TXNDC12: variants seen among roughly 807,000 people sequenced by gnomAD.
TXNDC12 encodes the protein thioredoxin domain-containing protein 12.
TXNDC12 carries 22 observed loss-of-function variants against 24.2 expected under a neutral mutation model. The ratio of observed to expected loss-of-function variants is 0.91; its 90% CI spans 0.65 to 1.30. TXNDC12 has a LOEUF of 1.30. Ranked by LOEUF, TXNDC12 falls within the 50% of genes most tolerant of loss-of-function variation. TXNDC12 has a pLI of 0.00. For synonymous variants in TXNDC12, 58 were observed against 73.4 expected (o/e 0.79, Z 1.07); for missense variants, 184 against 205.8 (o/e 0.89, Z 0.65).
chr1:52,044,819 A>G (rs1686059018), intron 1 of TXNDC12, among the ~76,000 whole-genome samples: 1 of 152,084 alleles, frequency 6.6e-6, no homozygotes, highest in Non-Finnish European at 1.5e-5. Context: ...ACTACAATAC[A>G]AAAAAGTTAG....
intron 2 of TXNDC12, chr1:52,031,955 T>C (rs1197609457): frequency 5.3e-6 from 1 of 188,536 alleles, no homozygotes; most frequent in East Asian, 1.9e-4. Flanking sequence ...ACGGAAATTG[T>C]CATAATATAA....
intron 4 of TXNDC12, among the ~76,000 whole-genome samples, chr1:52,025,421 T>C (rs547414800): frequency 6.6e-6 from 1 of 152,318 alleles, no homozygotes; most frequent in South Asian, 2.1e-4. Context: ...GGTTTCACCA[T>C]GTTAGCCAGG....
intron 1 of TXNDC12, 108 bp downstream of exon 1, chr1:52,054,892 G>C (rs976354350): frequency 6.5e-6 from 5 of 774,430 alleles, no homozygotes; most frequent in Non-Finnish European, 1.1e-5. Flanking sequence ...GAAATCTGGA[G>C]TGGCCTAAGA....
At chr1:52,041,467 G>A (rs1685988780) in intron 2 of TXNDC12, 70 bp downstream of exon 2, 1 of 1,123,090 alleles carries the variant, frequency 8.9e-7, no homozygotes, top group South Asian at 1.4e-5. Context: ...CCCTTCACCT[G>A]AAATTAACGT....
At position 52,032,898 on chromosome 1, in the gene TXNDC12, C is replaced by T. The variant is rs145892168; in HGVS notation, c.159-4268G>A. 1,213 of 1,612,692 alleles carry T rather than the reference C, an allele frequency of 7.5e-4. 10 individuals are homozygous for T. The African/African-American group carries it at 0.014, about 19-fold the overall frequency. The stretch of plus-strand genomic sequence containing the variant: ...AGTCCCCGGGGACAGCGCTCTTCTG[C>T]GCTTCCATCAATCCGGCCAGTACTT... On this transcript the variant is annotated intron_variant, in intron 2 of 6. Coordinates refer to ENST00000371626, the MANE Select transcript of TXNDC12 (RefSeq NM_015913.4).
intron 1 of TXNDC12, chr1:52,044,337 A>T (rs535876124): frequency 7.2e-5 from 11 of 152,386 alleles, no homozygotes; most frequent in African/African-American, 2.6e-4. Context: ...AAACTCCCAC[A>T]TTAACACAAC....
Position 52,028,716 on chromosome 1 carries a change from G to T in TXNDC12, c.159-86C>A, listed in dbSNP as rs934161579. On this transcript the variant is annotated intron_variant, in intron 2 of 6. Transcript: ENST00000371626. ...AAGATTAATATGTGAAGACATTTCTGTAGTATTATTTCAATTGGGAAAATC... is the reference window on the plus strand; with the variant it reads ...AAGATTAATATGTGAAGACATTTCTTTAGTATTATTTCAATTGGGAAAATC... The T allele has an allele frequency of 4.9e-6, 5 of 1,016,686 alleles. No individual in the cohort carries two copies. In the African/African-American group the frequency reaches 6.6e-5, roughly 13 times the overall value. The allele number at this position is 1,016,686 out of a possible 1,614,324, so 63.0% of individuals were successfully genotyped here.
intron 1 of TXNDC12, among the ~76,000 whole-genome samples, chr1:52,045,652 A>G (rs529722860): frequency 1.3e-5 from 2 of 152,318 alleles, no homozygotes; most frequent in African/African-American, 2.4e-5. Flanking sequence ...TACATATGTT[A>G]TTATACATTT....
At chr1:52,021,637 T>A (rs1295489512) in intron 6 of TXNDC12, among the ~76,000 whole-genome samples, 2 of 151,390 alleles carry the variant, frequency 1.3e-5, no homozygotes, top group African/African-American at 4.9e-5. Context: ...AAACTTCTTG[T>A]CTGTCTTGGG....
intron 1 of TXNDC12, among the ~76,000 whole-genome samples, chr1:52,047,759 C>CA (rs11398900): frequency 0.75 from 113,150 of 151,080 alleles, 45,801 homozygotes; most frequent in Non-Finnish European, 0.89. Flanking sequence ...AACTAAGTTT[C>CA]AAAAAAAAAT....
At chr1:52,028,898 T>G (rs1397303761) in intron 2 of TXNDC12, among the ~76,000 whole-genome samples, 1 of 152,084 alleles carries the variant, frequency 6.6e-6, no homozygotes, top group Admixed American at 6.6e-5. Context: ...GAGGCTGAAG[T>G]GGGCAGATGA....
rs1557990880 is a variant in TXNDC12, at chr1:52,027,292, C to T, written c.268G>A (p.Val90Ile). The T allele has an allele frequency of 1.2e-6, 2 of 1,612,366 alleles. No individual in the cohort carries two copies. Among genetic ancestry groups the T allele is most frequent in the Non-Finnish European group, 1.7e-6 (2 of 1,178,796 alleles). Residue 90 changes from valine to isoleucine, a missense_variant, in exon 4 of 7, where the codon GTT (valine) becomes ATT (isoleucine). Val to Ile is a conservative substitution (Grantham distance 29, BLOSUM62 3). Coordinates refer to ENST00000371626, the MANE Select transcript of TXNDC12 (RefSeq NM_015913.4). ...TEISELSHNF[V>I]MVNLEDEEEP... ...AGTCTTACCTCAAGATTTACCATAA[C>T]AAAATTATGGGAGAGTTCTGAAATT...
intron 2 of TXNDC12, chr1:52,030,572 G>A (rs1685736015): frequency 1.3e-5 from 2 of 152,218 alleles, no homozygotes; most frequent in South Asian, 4.1e-4. Context: ...ACAAAAGGTA[G>A]TATAGATTAC....
chr1:52,048,779 C>T (rs1230018795), intron 1 of TXNDC12, among the ~76,000 whole-genome samples: 1 of 152,002 alleles, frequency 6.6e-6, no homozygotes, highest in African/African-American at 2.4e-5. Context: ...ATCGCTTAAA[C>T]CCAGGAGGCA....
chr1:52,041,476 G>A (rs983749279), intron 2 of TXNDC12, 61 bp downstream of exon 2: 21 of 1,237,126 alleles, frequency 1.7e-5, no homozygotes, highest in East Asian at 4.7e-5. Flanking sequence ...TGAAATTAAC[G>A]TTAAGTTGAT....
chr1:52,043,710 C>T (rs1427695634), intron 1 of TXNDC12, among the ~76,000 whole-genome samples: 16 of 152,222 alleles, frequency 1.1e-4, no homozygotes, highest in Admixed American at 1.0e-3. Context: ...ATTGAGACTT[C>T]TGAGGCTCAG....
chr1:52,046,158 C>G (rs1686085548), intron 1 of TXNDC12, among the ~76,000 whole-genome samples: 1 of 151,002 alleles, frequency 6.6e-6, no homozygotes, highest in Non-Finnish European at 1.5e-5. Flanking sequence ...GTGATTGCCC[C>G]ACTGCACTCC....
Position 52,055,079 on chromosome 1 carries a change from ACGAGG to A in TXNDC12, c.13_17del (p.Pro5SerfsTer19), listed in dbSNP as rs766181360. Reference sequence around the variant, plus strand: ...AGCCCAGCAAACAGGTGGCCCCGAGACGAGGCCGCGTCTCCATGGCAGTAGGTGCG... The same window carrying A: ...AGCCCAGCAAACAGGTGGCCCCGAGACCGCGTCTCCATGGCAGTAGGTGCG... On this transcript the variant is annotated frameshift_variant, in exon 1 of 7. Transcript: ENST00000371626. LOFTEE classifies it high-confidence loss of function. 6.2e-7 allele frequency: 1 copy of A among 1,613,984 alleles called. No homozygotes were observed. The highest frequency in any genetic ancestry group is 8.5e-7 in the Non-Finnish European group (1 of 1,179,866).
chr1:52,045,313 C>T (rs1028864800), intron 1 of TXNDC12, among the ~76,000 whole-genome samples: 1 of 152,136 alleles, frequency 6.6e-6, no homozygotes, highest in Non-Finnish European at 1.5e-5. Context: ...CTATATGAAA[C>T]TGTAATGGTG....
Sources: allele counts gnomAD v4.1 joint callset (sites outside exome capture counted in the v4.1 genomes callset), GRCh38; gene constraint gnomAD v4.1.1; transcripts MANE v1.5; gene names NCBI Gene and HGNC (gene_info 2026-07-23, HGNC 2026-07-21).